ATOH8: variants seen among roughly 807,000 people sequenced by gnomAD.
ATOH8 encodes atonal bHLH transcription factor 8, also known as transcription factor ATOH8.
A neutral mutation model predicts 21.2 loss-of-function variants in ATOH8; 9 were observed. The ratio of observed to expected loss-of-function variants is 0.42; its 90% CI spans 0.26 to 0.74. The LOEUF (loss-of-function observed/expected upper bound fraction) is 0.74. Ranked by LOEUF, ATOH8 falls within the 30% of genes least tolerant of loss-of-function variation. The pLI, the probability that ATOH8 is intolerant of heterozygous loss-of-function variation, is 0.24. For missense variants in ATOH8, 524 were observed against 470.9 expected, an observed-to-expected ratio of 1.11 and a Z score of -1.04; for synonymous variants, 253 against 224.0, an observed-to-expected ratio of 1.13 and a Z score of -1.16.
intron 2 of ATOH8, among the ~76,000 whole-genome samples, chr2:85,786,297 G>A (rs1276315910): frequency 6.6e-6 from 1 of 152,218 alleles, no homozygotes; most frequent in African/African-American, 2.4e-5. Context: ...AGTGTTCCAT[G>A]TACTTCATTC....
At chr2:85,760,884 T>G (rs565227489) in intron 1 of ATOH8, 1 of 152,370 alleles carries the variant, frequency 6.6e-6, no homozygotes, top group African/African-American at 2.4e-5. Context: ...TGAAGGCACT[T>G]CCCAAAGTCA....
intron 2 of ATOH8, among the ~76,000 whole-genome samples, chr2:85,784,796 G>C (rs905839999): frequency 8.5e-5 from 13 of 152,320 alleles, no homozygotes; most frequent in African/African-American, 3.1e-4. Flanking sequence ...GGGAGAGTGA[G>C]TTACCCAAGG....
intron 1 of ATOH8, among the ~76,000 whole-genome samples, chr2:85,762,505 C>G (rs1028517248): frequency 6.6e-6 from 1 of 152,150 alleles, no homozygotes; most frequent in Non-Finnish European, 1.5e-5. Flanking sequence ...TAGGCCTTCC[C>G]CCCACAGTTC....
At chr2:85,773,521 C>G (rs2104522407) in intron 2 of ATOH8, 1 of 153,094 alleles carries the variant, frequency 6.5e-6, no homozygotes, top group East Asian at 1.9e-4. Flanking sequence ...ATGTGTCAGA[C>G]AGTGGTGATG....
In ATOH8 at chr2:85,764,333, C is replaced by A. The variant is rs529090581; in HGVS notation, c.960+151C>A. The A allele has an allele frequency of 7.5e-5, 74 of 990,586 alleles. 2 individuals are homozygous for A. The South Asian group carries it at 1.2e-3, about 16-fold the overall frequency. The allele number at this position is 990,586 out of a possible 1,614,324, so 61.4% of individuals were successfully genotyped here. A position where few individuals can be genotyped will look rare whatever the true frequency, so the allele number is the denominator to read the frequency against. Reference sequence around the variant, plus strand: ...GCTGGGAGTTGCCTCAGCTTCAGTGCTCCTCAAATCCCTGGGATTATAGGT... The same window carrying A: ...GCTGGGAGTTGCCTCAGCTTCAGTGATCCTCAAATCCCTGGGATTATAGGT... On this transcript the variant is annotated intron_variant, in intron 2 of 2. Transcript: ENST00000306279.
intron 2 of ATOH8, among the ~76,000 whole-genome samples, chr2:85,779,524 G>T (rs1377310423): frequency 3.9e-5 from 6 of 152,212 alleles, no homozygotes; most frequent in Non-Finnish European, 8.8e-5. Flanking sequence ...GGGGGTGCTG[G>T]GCCTCCCACT....
intron 2 of ATOH8, among the ~76,000 whole-genome samples, chr2:85,771,037 G>A (rs114737586): frequency 6.6e-6 from 1 of 152,170 alleles, no homozygotes; most frequent in Admixed American, 6.5e-5. Context: ...CCCTCTGGAA[G>A]CCCCTGTGGA....
At position 85,780,838 on chromosome 2, in the gene ATOH8, C is replaced by T. The variant is rs377683779; in HGVS notation, c.961-6047C>T. ...ACACAGCACTATCCTCGATTCATGC[C>T]ATGTTCCCGCCCCCCGCAAATAGCA... On this transcript the variant is annotated intron_variant, in intron 2 of 2. Transcript: ENST00000306279. 3.0e-4 allele frequency: 291 copies of T among 976,556 alleles called. 2 individuals carry two copies. In the African/African-American group the frequency reaches 4.5e-3, roughly 15 times the overall value. The allele number at this position is 976,556 out of a possible 1,614,324, so 60.5% of individuals were successfully genotyped here.
rs536261256 is a variant in ATOH8 at position 85,785,535 on chromosome 2, G to A, written c.961-1350G>A. ...CACTTCAGCCTTGCCCCAGACTTGC[G>A]TCTTGGCTGGCTGCCCCGGCCCACG... On this transcript the variant is annotated intron_variant, in intron 2 of 2. Transcript: ENST00000306279. The surrounding 1 kb of genome is among the most constrained non-coding windows in gnomAD (Gnocchi z 4.1). Among the ~76,000 whole-genome samples, 12 of 152,326 alleles carry A rather than the reference G, an allele frequency of 7.9e-5. No individual in the cohort carries two copies. The South Asian group carries it at 1.9e-3, about 24-fold the overall frequency.
intron 1 of ATOH8, among the ~76,000 whole-genome samples, chr2:85,758,443 A>G (rs1048359965): frequency 1.3e-5 from 2 of 152,182 alleles, no homozygotes; most frequent in African/African-American, 2.4e-5. Flanking sequence ...CCTCGTGGTC[A>G]TGTACAGTGG....
At chr2:85,759,220 A>G (rs1026044519) in intron 1 of ATOH8, among the ~76,000 whole-genome samples, 6 of 152,128 alleles carry the variant, frequency 3.9e-5, no homozygotes, top group African/African-American at 1.4e-4. Flanking sequence ...ACAGGGTGCA[A>G]GGAGGGCATA....
In ATOH8 at chr2:85,788,284, A is replaced by C. The variant is rs566317830; in HGVS notation, c.*1394A>C. On this transcript the variant is annotated 3_prime_UTR_variant, in exon 3 of 3. Transcript: ENST00000306279. ...TAGTGACCAGGAGGCCTGGTCAGGA[A>C]CACATGAGGAGCCCTCTCTGTCCGC... Among the ~76,000 whole-genome samples, 2 of 152,140 alleles carry C rather than the reference A, an allele frequency of 1.3e-5. No individual in the cohort carries two copies. Among genetic ancestry groups the C allele is most frequent in the East Asian group, 3.9e-4 (2 of 5,150 alleles).
chr2:85,786,989 C>G lies in ATOH8; in HGVS notation c.*99C>G. Reference sequence around the variant, plus strand: ...CTGAGTCCAGCCTCGTGGTCTTCTCCAAGATGCCGCCAGATGCCCAGCCTA... The same window carrying G: ...CTGAGTCCAGCCTCGTGGTCTTCTCGAAGATGCCGCCAGATGCCCAGCCTA... On this transcript the variant is annotated 3_prime_UTR_variant, in exon 3 of 3. Transcript: ENST00000306279. 6.6e-7 allele frequency: 1 copy of G among 1,520,562 alleles called. No homozygotes were observed. The highest frequency in any genetic ancestry group is 9.1e-7 in the Non-Finnish European group (1 of 1,104,550). The allele number at this position is 1,520,562 out of a possible 1,614,324, so 94.2% of individuals were successfully genotyped here. A position where few individuals can be genotyped will look rare whatever the true frequency, so the allele number is the denominator to read the frequency against.
At chr2:85,780,217 A>G (rs191282633) in intron 2 of ATOH8, among the ~76,000 whole-genome samples, 10 of 152,324 alleles carry the variant, frequency 6.6e-5, no homozygotes, top group Admixed American at 3.3e-4. Context: ...AGGGCCTGCA[A>G]CACTGTGGAG....
chr2:85,763,938 G>A, intron 1 of ATOH8, 53 bp from the exon 2 acceptor site: 1 of 1,571,480 alleles, frequency 6.4e-7, no homozygotes, highest in Non-Finnish European at 8.7e-7. Context: ...TCCCATGCCT[G>A]CCAGGCTGGG....
rs1680019969 is a variant in ATOH8 at position 85,766,488 on chromosome 2, A to G, written c.960+2306A>G. Among the ~76,000 whole-genome samples, 1 of 152,136 alleles carries G rather than the reference A, an allele frequency of 6.6e-6. No homozygotes were observed. Among genetic ancestry groups the G allele is most frequent in the South Asian group, 2.1e-4 (1 of 4,822 alleles). ...CTTCATGGTCTCGCAGACTCACATC[A>G]TATGTGTGGTGACACATTTCTCATA... On this transcript the variant is annotated intron_variant, in intron 2 of 2. Transcript: ENST00000306279. This position sits in a 1 kb window ranked among gnomAD's most constrained non-coding sequence, Gnocchi z 4.0.
rs1350178129 is a variant in ATOH8 at position 85,785,501 on chromosome 2, C to A, written c.961-1384C>A. Among the ~76,000 whole-genome samples, 1 of 152,236 alleles carries A rather than the reference C, an allele frequency of 6.6e-6. No homozygotes were observed. Among genetic ancestry groups the A allele is most frequent in the Non-Finnish European group, 1.5e-5 (1 of 68,026 alleles). On this transcript the variant is annotated intron_variant, in intron 2 of 2. Transcript: ENST00000306279. This position sits in a 1 kb window ranked among gnomAD's most constrained non-coding sequence, Gnocchi z 4.1. ...CCTCTGGCCCGGCTCCCTCGCCCTCCTTGGACCCCACTTCAGCCTTGCCCC... is the reference window on the plus strand; with the variant it reads ...CCTCTGGCCCGGCTCCCTCGCCCTCATTGGACCCCACTTCAGCCTTGCCCC...
Position 85,787,114 on chromosome 2 carries a change from G to T in ATOH8, c.*224G>T, listed in dbSNP as rs950527313. The T allele has an allele frequency of 6.9e-6, 4 of 582,762 alleles. No individual in the cohort carries two copies. Among genetic ancestry groups the T allele is most frequent in the Non-Finnish European group, 1.2e-5 (4 of 329,670 alleles). 36.1% of individuals were successfully genotyped at this position (582,762 alleles called of 1,614,324 possible). On this transcript the variant is annotated 3_prime_UTR_variant, in exon 3 of 3. Coordinates refer to ENST00000306279, the MANE Select transcript of ATOH8 (RefSeq NM_032827.7). ...CTTCGCACTTTGCCCTCTGCCTGGTGGGGAGGGGAGAGCTCAGCCCCCGAC... is the reference window on the plus strand; with the variant it reads ...CTTCGCACTTTGCCCTCTGCCTGGTTGGGAGGGGAGAGCTCAGCCCCCGAC...
At chr2:85,783,211 G>C (rs1680541438) in intron 2 of ATOH8, among the ~76,000 whole-genome samples, 1 of 152,188 alleles carries the variant, frequency 6.6e-6, no homozygotes, top group Admixed American at 6.5e-5. Flanking sequence ...AGCTGAGAGG[G>C]ACCTGTGAGG....
Sources: allele counts gnomAD v4.1 joint callset (sites outside exome capture counted in the v4.1 genomes callset), GRCh38; gene constraint gnomAD v4.1.1; non-coding constraint Gnocchi (gnomAD v3.1); transcripts MANE v1.5; gene names NCBI Gene and HGNC (gene_info 2026-07-23, HGNC 2026-07-21).